UTP20: variants seen among roughly 807,000 people sequenced by gnomAD.
The protein encoded by UTP20 is UTP20 small subunit processome component.
UTP20 carries 164 observed loss-of-function variants against 329.5 expected under a neutral mutation model. The ratio of observed to expected loss-of-function variants is 0.50; its 90% CI spans 0.44 to 0.57. The LOEUF is 0.57. Ranked by LOEUF, UTP20 falls within the 20% of genes least tolerant of loss-of-function variation. The pLI, the probability that UTP20 is intolerant of heterozygous loss-of-function variation, is 0.00. For missense variants in UTP20, 3,055 were observed against 3,284.2 expected, an observed-to-expected ratio of 0.93 and a Z score of 1.71; for synonymous variants, 1,151 against 1,159.3, an observed-to-expected ratio of 0.99 and a Z score of 0.14.
Position 101,306,683 on chromosome 12 carries a change from C to A in UTP20, c.1933-16C>A, listed in dbSNP as rs752162614. 75 of 1,593,388 alleles carry A rather than the reference C, an allele frequency of 4.7e-5. No individual in the cohort carries two copies. In the Middle Eastern group the frequency reaches 5.0e-4, roughly 11 times the overall value. On this transcript the variant is annotated splice_polypyrimidine_tract_variant and intron_variant, in intron 16 of 61. Coordinates refer to ENST00000261637, the MANE Select transcript of UTP20 (RefSeq NM_014503.3). ...TTAAACTTTGGAATTTGAAAGATGC[C>A]TTTTACTTTCTCCAGATTCGGCTTT...
chr12:101,287,438 T>G (rs2137230636), intron 5 of UTP20, among the ~76,000 whole-genome samples: 1 of 152,386 alleles, frequency 6.6e-6, no homozygotes, highest in Middle Eastern at 3.4e-3. Flanking sequence ...TTATGTCTCC[T>G]AAGTCAGGCT....
At chr12:101,363,343 T>G (rs1206843015) in intron 44 of UTP20, among the ~76,000 whole-genome samples, 1 of 152,238 alleles carries the variant, frequency 6.6e-6, no homozygotes, top group Non-Finnish European at 1.5e-5. Context: ...TTTCTTTGTT[T>G]CCCGTTAGTA....
intron 61 of UTP20, 88 bp from the exon 62 acceptor site, chr12:101,385,880 G>A (rs1870809760): frequency 6.9e-7 from 1 of 1,446,892 alleles, no homozygotes; most frequent in Non-Finnish European, 9.3e-7. Flanking sequence ...TAATGAGCAT[G>A]TGTTTTTTAC....
chr12:101,295,522 T>G lies in UTP20; in HGVS notation c.1294T>G (p.Leu432Val), dbSNP rs1178657423. 6.2e-7 allele frequency: 1 copy of G among 1,611,344 alleles called. No individual in the cohort carries two copies. The highest frequency in any genetic ancestry group is 1.3e-5 in the African/African-American group (1 of 74,928). Reference protein sequence around the residue: ...SFLSYIVNCFLIDDAVVKDEA... With the variant: ...SFLSYIVNCFVIDDAVVKDEA... ...TCTGTCATATATTGTGAATTGCTTC[T>G]TAATTGATGATGCTGTAGTCAAAGA... Residue 432 changes from leucine (L) to valine (V), a missense_variant, in exon 12 of 62, where the codon TTA becomes GTA. Physicochemically the swap from Leu to Val is conservative, Grantham distance 32. This residue lies in a region of UTP20 where 2,445 missense variants were observed against 2,575.5 expected (regional missense o/e 0.95). Coordinates refer to ENST00000261637, the MANE Select transcript of UTP20 (RefSeq NM_014503.3).
chr12:101,371,115 T>A lies in UTP20; in HGVS notation c.6745T>A (p.Ser2249Thr). The A allele has an allele frequency of 6.2e-7, 1 of 1,614,152 alleles. No individual in the cohort carries two copies. The highest frequency in any genetic ancestry group is 8.5e-7 in the Non-Finnish European group (1 of 1,180,012). ...PEIDEVMRKV[S>T]KLAVSAQSEP... ...AATCGATGAGGTCATGCGGAAAGTA[T>A]CCAAGTTGGCAGTCTCTGCACAAAG... Residue 2249 changes from serine (S) to threonine (T), a missense_variant, in exon 51 of 62, where the codon TCC becomes ACC. Physicochemically the swap from Ser to Thr is moderately conservative, Grantham distance 58. This residue lies in a region of UTP20 where 273 missense variants were observed against 363.1 expected (regional missense o/e 0.75). Coordinates refer to ENST00000261637, the MANE Select transcript of UTP20 (RefSeq NM_014503.3).
intron 2 of UTP20, 94 bp from the exon 3 acceptor site, chr12:101,285,476 A>C (rs1871929970): frequency 7.5e-7 from 1 of 1,334,968 alleles, no homozygotes; most frequent in African/African-American, 1.5e-5. Flanking sequence ...CTTCAGTATC[A>C]TTGTCTTAAG....
intron 44 of UTP20, among the ~76,000 whole-genome samples, 187 bp downstream of exon 44, chr12:101,362,247 A>G (rs1331025634): frequency 6.6e-6 from 1 of 152,216 alleles, no homozygotes; most frequent in African/African-American, 2.4e-5. Flanking sequence ...CACTGCAAGG[A>G]GGTCATAAAT....
At chr12:101,328,695 T>C (rs1868647027) in intron 26 of UTP20, among the ~76,000 whole-genome samples, 1 of 151,776 alleles carries the variant, frequency 6.6e-6, no homozygotes, top group East Asian at 1.9e-4. Context: ...ATGGTGAAAC[T>C]CCAACTCTAC....
rs1332214896 is a variant in UTP20 at position 101,327,267 on chromosome 12, C to CA, written c.3208+21dup. ...AGAATGGTAACTATCAGCTACCTCT[C>CA]ACTCTAATACCTGTTGTCTGCGGTG... On this transcript the variant is annotated intron_variant, in intron 26 of 61. Transcript: ENST00000261637. 6.4e-7 allele frequency: 1 copy of CA among 1,561,190 alleles called. No homozygotes were observed. The highest frequency in any genetic ancestry group is 2.3e-5 in the East Asian group (1 of 43,492).
At chr12:101,340,937 C>CTTTTTTTTTTTTTTTTTT (rs71091488) in intron 32 of UTP20, among the ~76,000 whole-genome samples, 2 of 83,024 alleles carry the variant, frequency 2.4e-5, no homozygotes, top group African/African-American at 3.6e-5. Context: ...ATTGTGTAAT[C>CTTTTTTTTTTTTTTTTTT]TTTTTTTTTT....
At chr12:101,317,720 A>T in intron 22 of UTP20, 57 bp downstream of exon 22, 1 of 1,513,280 alleles carries the variant, frequency 6.6e-7, no homozygotes, top group Non-Finnish European at 8.9e-7. Flanking sequence ...GAACAGGAAG[A>T]GGTCTCTTAC....
At position 101,365,642 on chromosome 12, in the gene UTP20, A is replaced by C. The variant is rs774382401; in HGVS notation, c.6125+17A>C. 161 of 1,546,572 alleles carry C rather than the reference A, an allele frequency of 1.0e-4. No homozygotes were observed. The highest frequency in any genetic ancestry group is 1.3e-4 in the Non-Finnish European group (147 of 1,151,754). ...GAAAGAAAAGTAAGTTGGAAAAAAAACAAACTGTCATTTAGGTCTCTGCGT... is the reference window on the plus strand; with the variant it reads ...GAAAGAAAAGTAAGTTGGAAAAAAACCAAACTGTCATTTAGGTCTCTGCGT... On this transcript the variant is annotated intron_variant, in intron 46 of 61. Coordinates refer to ENST00000261637, the MANE Select transcript of UTP20 (RefSeq NM_014503.3).
Position 101,309,796 on chromosome 12 carries a change from A to G in UTP20, c.2188A>G (p.Ile730Val), listed in dbSNP as rs768101644. The change falls in exon 19 of 62, where the codon ATT becomes GTT. Residue 730 changes from isoleucine to valine, a missense_variant. By Grantham distance (29) the Ile-to-Val change is conservative (BLOSUM62 3). Coordinates refer to ENST00000261637, the MANE Select transcript of UTP20 (RefSeq NM_014503.3). Reference protein sequence around the residue: ...PLRYLLGMLYINFSALWDPVI... With the variant: ...PLRYLLGMLYVNFSALWDPVI... The stretch of plus-strand genomic sequence containing the variant: ...TCGTTATTTGTTAGGCATGCTATAT[A>G]TTAATTTCAGTGCACTCTGGGATCC... 15 of 1,613,774 alleles carry G rather than the reference A, an allele frequency of 9.3e-6. No individual in the cohort carries two copies. In the Admixed American group the frequency reaches 2.2e-4, roughly 23 times the overall value.
chr12:101,290,589 G>T, intron 7 of UTP20, 144 bp from the exon 8 acceptor site: 1 of 907,280 alleles, frequency 1.1e-6, no homozygotes, highest in South Asian at 2.3e-5. Context: ...TTTGGGACAC[G>T]TTATTAACCA....
intron 40 of UTP20, among the ~76,000 whole-genome samples, chr12:101,353,901 T>C (rs559442645): frequency 6.6e-6 from 1 of 152,112 alleles, no homozygotes; most frequent in East Asian, 1.9e-4. Context: ...AAAAATATAA[T>C]ACAAAAACTG....
chr12:101,317,498 A>G lies in UTP20; in HGVS notation c.2573A>G (p.Asp858Gly). The change falls in exon 22 of 62, where the codon GAT (aspartate) becomes GGT (glycine). Residue 858 changes from aspartate to glycine, a missense_variant. Physicochemically the swap from Asp to Gly is moderately conservative, Grantham distance 94 (BLOSUM62 -1). Coordinates refer to ENST00000261637, the MANE Select transcript of UTP20 (RefSeq NM_014503.3). ...GGTAGCAATGAGTATTACCCAGCAGATCTGCAAGTTGCTCCAACCCAGGAT... is the reference window on the plus strand; with the variant it reads ...GGTAGCAATGAGTATTACCCAGCAGGTCTGCAAGTTGCTCCAACCCAGGAT... ...RFINNEYYPA[D>G]LQVAPTQDLR... 6.2e-7 allele frequency: 1 copy of G among 1,614,120 alleles called. No homozygotes were observed. The highest frequency in any genetic ancestry group is 8.5e-7 in the Non-Finnish European group (1 of 1,179,992).
rs1194268987 is a variant in UTP20 at position 101,385,965 on chromosome 12, C to T, written c.8203-3C>T. The stretch of plus-strand genomic sequence containing the variant: ...AATATAAAATTTCTATTCTCTTTTC[C>T]AGTTTGTAACTAATCCTGATATTGC... On this transcript the variant is annotated splice_polypyrimidine_tract_variant and splice_region_variant and intron_variant, in intron 61 of 61. Coordinates refer to ENST00000261637, the MANE Select transcript of UTP20 (RefSeq NM_014503.3). The T allele has an allele frequency of 6.4e-7, 1 of 1,554,536 alleles. No homozygotes were observed. Among genetic ancestry groups the T allele is most frequent in the Non-Finnish European group, 8.7e-7 (1 of 1,148,368 alleles).
chr12:101,354,834 G>T lies in UTP20; in HGVS notation c.5110G>T (p.Ala1704Ser), dbSNP rs772682870. The T allele has an allele frequency of 6.8e-6, 11 of 1,611,378 alleles. No individual in the cohort carries two copies. The Middle Eastern group carries it at 1.2e-3, about 175-fold the overall frequency. Residue 1704 changes from alanine to serine, a missense_variant and splice_region_variant, in exon 41 of 62, where the codon GCA (alanine) becomes TCA (serine). Ala to Ser is a moderately conservative substitution (Grantham distance 99, BLOSUM62 1). Coordinates refer to ENST00000261637, the MANE Select transcript of UTP20 (RefSeq NM_014503.3). ...CTTTTGTTGTTTATTAAACATAGAC[G>T]CAATTGAAGCAATTGAGTTACCAGA... ...QMGKIENEENAIEAIELPEPE... is the reference protein window; with the variant it reads ...QMGKIENEENSIEAIELPEPE...
chr12:101,345,895 A>C (rs1252941574), intron 37 of UTP20, among the ~76,000 whole-genome samples: 2 of 152,232 alleles, frequency 1.3e-5, no homozygotes, highest in African/African-American at 2.4e-5. Context: ...CACAAACCAC[A>C]GTTAATAATA....
Sources: gnomAD v4.1 joint callset for allele counts (sites outside exome capture counted in the v4.1 genomes callset) on GRCh38, gnomAD v4.1.1 for gene constraint, gnomAD v4.1.1 regional missense constraint, MANE v1.5 for transcripts, NCBI Gene and HGNC (gene_info 2026-07-23, HGNC 2026-07-21) for gene names.